PPP2CB: variants seen among roughly 807,000 people sequenced by gnomAD.
PPP2CB encodes the protein protein phosphatase 2 catalytic subunit beta, also known as serine/threonine-protein phosphatase 2A catalytic subunit beta isoform.
Under a neutral mutation model 39.1 loss-of-function variants are expected in PPP2CB, and 18 were observed. That is an observed-to-expected ratio of 0.46 (90% CI 0.32 to 0.68). The LOEUF (loss-of-function observed/expected upper bound fraction) is 0.68, where lower values mean the gene tolerates loss of function less well. PPP2CB is among the 30% of genes least tolerant of loss of function. PPP2CB has a pLI of 0.04. For missense variants in PPP2CB, 226 were observed against 396.9 expected (o/e 0.57, Z 3.66); for synonymous variants, 129 against 133.8 (o/e 0.96, Z 0.25).
rs561946587 is a variant in PPP2CB, at chr8:30,807,589, C to T, written c.102+4731G>A. 3.9e-5 allele frequency among the ~76,000 whole-genome samples: 6 copies of T among 152,354 alleles called. No individual in the cohort carries two copies. In the South Asian group the frequency reaches 1.0e-3, roughly 26 times the overall value. On this transcript the variant is annotated intron_variant, in intron 1 of 6. Transcript: ENST00000221138. ...CAGAATAAAGATCTGCCAGCACACA[C>T]ATTGGCTGAATTTCCCTCCCCACCT...
rs1468667841 is a variant in PPP2CB at position 30,786,231 on chromosome 8, A to G, written c.*4T>C. Reference sequence around the variant, plus strand: ...CATACAAAGGCAGGTTTCCCAGGAGAAATTTATAGGAAGTAGTCTGGGGTG... The same window carrying G: ...CATACAAAGGCAGGTTTCCCAGGAGGAATTTATAGGAAGTAGTCTGGGGTG... On this transcript the variant is annotated 3_prime_UTR_variant, in exon 7 of 7. Transcript: ENST00000221138. 8.3e-6 allele frequency: 13 copies of G among 1,558,866 alleles called. No individual in the cohort carries two copies. In the East Asian group the frequency reaches 3.0e-4, roughly 36 times the overall value.
At chr8:30,787,193 A>G (rs1806357467) in intron 6 of PPP2CB, among the ~76,000 whole-genome samples, 1 of 152,174 alleles carries the variant, frequency 6.6e-6, no homozygotes, top group South Asian at 2.1e-4. Flanking sequence ...GTATGTTGGA[A>G]AATTTTATAT....
chr8:30,794,548 T>C, intron 3 of PPP2CB: 1 of 350,150 alleles, frequency 2.9e-6, no homozygotes, highest in Non-Finnish European at 5.1e-6. Flanking sequence ...GTACCTACCA[T>C]TAAATTTCTT....
At chr8:30,804,127 A>C (rs1806678391) in intron 1 of PPP2CB, among the ~76,000 whole-genome samples, 1 of 152,158 alleles carries the variant, frequency 6.6e-6, no homozygotes, top group Non-Finnish European at 1.5e-5. Context: ...AGTTGACAAA[A>C]TACAAACTTA....
chr8:30,811,659 C>G (rs1393519056), intron 1 of PPP2CB, among the ~76,000 whole-genome samples: 8 of 151,668 alleles, frequency 5.3e-5, no homozygotes, highest in Admixed American at 5.2e-4. Context: ...TCACACCCTG[C>G]TAATTAAAAA....
chr8:30,794,138 A>C (rs1806482552), intron 4 of PPP2CB, 54 bp downstream of exon 4: 24 of 1,606,848 alleles, frequency 1.5e-5, no homozygotes, highest in Non-Finnish European at 2.0e-5. Context: ...TATCATCCTC[A>C]AAATGTGGTT....
intron 1 of PPP2CB, among the ~76,000 whole-genome samples, chr8:30,807,778 T>C (rs1377703966): frequency 6.6e-6 from 1 of 152,236 alleles, no homozygotes; most frequent in African/African-American, 2.4e-5. Context: ...AATAACTGCA[T>C]ACTGCTGATG....
intron 6 of PPP2CB, among the ~76,000 whole-genome samples, chr8:30,789,189 C>T (rs977899473): frequency 5.9e-5 from 9 of 152,148 alleles, no homozygotes; most frequent in Non-Finnish European, 1.5e-5. Flanking sequence ...CGCCACCACA[C>T]CCAACTAATT....
At chr8:30,792,173 C>T (rs1806448528) in intron 5 of PPP2CB, among the ~76,000 whole-genome samples, 1 of 151,790 alleles carries the variant, frequency 6.6e-6, no homozygotes, top group Non-Finnish European at 1.5e-5. Context: ...TCTCCTGCCT[C>T]AGCCCCGAGT....
chr8:30,791,428 C>T (rs547073666), intron 5 of PPP2CB, 113 bp from the exon 6 acceptor site: 11 of 746,546 alleles, frequency 1.5e-5, no homozygotes, highest in South Asian at 3.3e-5. Flanking sequence ...GAAATGTAGT[C>T]GTCTATATTA....
intron 3 of PPP2CB, 77 bp from the exon 4 acceptor site, chr8:30,794,358 A>G: frequency 8.0e-7 from 1 of 1,256,358 alleles, no homozygotes; most frequent in Non-Finnish European, 1.1e-6. Flanking sequence ...ATAATGGTTA[A>G]AAGTGTCAGT....
At chr8:30,803,717 A>T (rs1384409686) in intron 1 of PPP2CB, among the ~76,000 whole-genome samples, 2 of 152,194 alleles carry the variant, frequency 1.3e-5, no homozygotes, top group African/African-American at 2.4e-5. Flanking sequence ...CTTGCACAGT[A>T]AAAATTATAC....
chr8:30,793,628 T>G, intron 5 of PPP2CB: 1 of 246,974 alleles, frequency 4.0e-6, no homozygotes, highest in South Asian at 1.2e-4. Flanking sequence ...AGACACAAAA[T>G]GATAAAGCAA....
At chr8:30,788,175 A>G (rs1204415681) in intron 6 of PPP2CB, among the ~76,000 whole-genome samples, 5 of 151,324 alleles carry the variant, frequency 3.3e-5, no homozygotes, top group Non-Finnish European at 7.4e-5. Context: ...CTCGTTTCAT[A>G]AGCTTACATC....
chr8:30,794,438 G>A, intron 3 of PPP2CB, 157 bp from the exon 4 acceptor site: 2 of 605,560 alleles, frequency 3.3e-6, no homozygotes, highest in African/African-American at 1.9e-5. Context: ...TCTGGTCAAT[G>A]GTATCCCCAT....
Position 30,799,823 on chromosome 8 carries a change from T to C in PPP2CB, c.103-68A>G, listed in dbSNP as rs534733784. 4.8e-6 allele frequency: 7 copies of C among 1,450,624 alleles called. No individual in the cohort carries two copies. In the East Asian group the frequency reaches 9.3e-5, roughly 19 times the overall value. The allele number at this position is 1,450,624 out of a possible 1,614,324, so 89.9% of individuals were successfully genotyped here. A position where few individuals can be genotyped will look rare whatever the true frequency, so the allele number is the denominator to read the frequency against. The stretch of plus-strand genomic sequence containing the variant: ...CATTTCTTATCTATTAAAAGAAAAT[T>C]TGGGGAAAAAAACACTTGAAAAGTG... On this transcript the variant is annotated intron_variant, in intron 1 of 6. Coordinates refer to ENST00000221138, the MANE Select transcript of PPP2CB (RefSeq NM_001009552.2).
chr8:30,802,634 C>T (rs1427054827), intron 1 of PPP2CB, among the ~76,000 whole-genome samples: 5 of 152,064 alleles, frequency 3.3e-5, no homozygotes, highest in African/African-American at 9.7e-5. Context: ...TCTGAGCCAC[C>T]GTGACTGGCC....
At chr8:30,809,696 T>G (rs1274567425) in intron 1 of PPP2CB, among the ~76,000 whole-genome samples, 1 of 152,118 alleles carries the variant, frequency 6.6e-6, no homozygotes, top group Non-Finnish European at 1.5e-5. Context: ...ATCCCTGCAC[T>G]TTGGGAGGCC....
intron 1 of PPP2CB, among the ~76,000 whole-genome samples, chr8:30,802,127 T>G (rs1422277520): frequency 6.6e-6 from 1 of 152,228 alleles, no homozygotes; most frequent in Non-Finnish European, 1.5e-5. Flanking sequence ...AGCCCATACT[T>G]TCTTCTCCTT....
Sources: gnomAD v4.1 joint callset for allele counts (sites outside exome capture counted in the v4.1 genomes callset) on GRCh38, gnomAD v4.1.1 for gene constraint, MANE v1.5 for transcripts, NCBI Gene and HGNC (gene_info 2026-07-23, HGNC 2026-07-21) for gene names.